ADCY5: variants seen among roughly 807,000 people sequenced by gnomAD.
ADCY5 encodes adenylate cyclase 5.
ADCY5 carries 30 observed loss-of-function variants against 119.7 expected under a neutral mutation model. The ratio of observed to expected loss-of-function variants is 0.25; its 90% CI spans 0.19 to 0.34. The LOEUF is 0.34. Ranked by LOEUF, ADCY5 falls within the 10% of genes least tolerant of loss-of-function variation. The pLI, the probability that ADCY5 is intolerant of heterozygous loss-of-function variation, is 1.00. For synonymous variants in ADCY5, 753 were observed against 762.2 expected, an observed-to-expected ratio of 0.99 and a Z score of 0.20; for missense variants, 1,324 against 1,775.2, an observed-to-expected ratio of 0.75 and a Z score of 4.57.
chr3:123,350,690 A>T (rs1028322529), intron 2 of ADCY5, among the ~76,000 whole-genome samples: 3 of 152,206 alleles, frequency 2.0e-5, no homozygotes, highest in Non-Finnish European at 4.4e-5. Flanking sequence ...GTCTGCAGAA[A>T]GCTTCCCCTC....
Position 123,352,749 on chromosome 3 carries a change from C to T in ADCY5, c.1135-168G>A, listed in dbSNP as rs111951218. Reference sequence around the variant, plus strand: ...CTGTGAGCAGCCGAGCATAATCGATCGGGCTCTCTGATGTCCTCAAAGCCA... The same window carrying T: ...CTGTGAGCAGCCGAGCATAATCGATTGGGCTCTCTGATGTCCTCAAAGCCA... On this transcript the variant is annotated intron_variant, in intron 1 of 20. Coordinates refer to ENST00000462833, the MANE Select transcript of ADCY5 (RefSeq NM_183357.3). This position sits in a 1 kb window ranked among gnomAD's most constrained non-coding sequence, Gnocchi z 4.8. 3.1e-3 allele frequency among the ~76,000 whole-genome samples: 479 copies of T among 152,290 alleles called. No individual in the cohort carries two copies. The highest frequency in any genetic ancestry group is 0.011 in the African/African-American group (445 of 41,560).
intron 1 of ADCY5, among the ~76,000 whole-genome samples, chr3:123,393,926 G>A (rs1944469858): frequency 6.6e-6 from 1 of 152,162 alleles, no homozygotes; most frequent in African/African-American, 2.4e-5. Flanking sequence ...TTGAGGTCAG[G>A]AGTTCGAGAC....
In ADCY5 at chr3:123,347,775, C is replaced by G; in HGVS notation, c.1406+7G>C. On this transcript the variant is annotated splice_region_variant and intron_variant, in intron 3 of 20. Transcript: ENST00000462833. Reference sequence around the variant, plus strand: ...CTTCCATCCTCCTCCCCCAGCTTCACCCCTACCTCACGTTGTCATGTTTCT... The same window carrying G: ...CTTCCATCCTCCTCCCCCAGCTTCAGCCCTACCTCACGTTGTCATGTTTCT... 7 of 1,613,998 alleles carry G rather than the reference C, an allele frequency of 4.3e-6. No homozygotes were observed. In the East Asian group the frequency reaches 1.6e-4, roughly 36 times the overall value.
intron 1 of ADCY5, among the ~76,000 whole-genome samples, chr3:123,376,589 G>A (rs1032849562): frequency 6.6e-6 from 1 of 152,118 alleles, no homozygotes; most frequent in East Asian, 1.9e-4. Flanking sequence ...GGAAATCACC[G>A]CCAGCCAATG....
chr3:123,381,605 G>A (rs757536421), intron 1 of ADCY5, among the ~76,000 whole-genome samples: 9 of 152,226 alleles, frequency 5.9e-5, no homozygotes, highest in Non-Finnish European at 1.2e-4. Context: ...ATACTCTGTT[G>A]TTTCTGTCTT....
Position 123,448,465 on chromosome 3 carries a change from T to A in ADCY5, c.81A>T (p.Glu27Asp). The change falls in exon 1 of 21, where the codon GAA becomes GAT. Residue 27 changes from glutamate to aspartate, a missense_variant. Physicochemically the swap from Glu to Asp is conservative, Grantham distance 45. This residue lies in a region of ADCY5 where 585 missense variants were observed against 569.9 expected (regional missense o/e 1.03). Transcript: ENST00000462833. ...TAAPAPRGGP[E>D]HRSAWGEADS... ...CGGCCTCGCCCCACGCAGAGCGGTG[T>A]TCGGGGCCTCCCCGGGGCGCCGGCG... 1 of 1,277,186 alleles carries A rather than the reference T, an allele frequency of 7.8e-7. No individual in the cohort carries two copies. The highest frequency in any genetic ancestry group is 9.9e-7 in the Non-Finnish European group (1 of 1,013,668). The allele number at this position is 1,277,186 out of a possible 1,614,324, so 79.1% of individuals were successfully genotyped here. A position where few individuals can be genotyped will look rare whatever the true frequency, so the allele number is the denominator to read the frequency against.
At chr3:123,428,892 T>C (rs1040684552) in intron 1 of ADCY5, among the ~76,000 whole-genome samples, 1 of 152,340 alleles carries the variant, frequency 6.6e-6, no homozygotes, top group East Asian at 1.9e-4. Context: ...TTGTGAGCTA[T>C]TGGAGTAGTA....
chr3:123,370,010 G>T (rs1406914196), intron 1 of ADCY5, among the ~76,000 whole-genome samples: 1 of 152,164 alleles, frequency 6.6e-6, no homozygotes, highest in Non-Finnish European at 1.5e-5. Flanking sequence ...CTTAATTCTT[G>T]GGGCATGAGG....
chr3:123,333,746 G>T (rs1941892311), intron 3 of ADCY5, among the ~76,000 whole-genome samples: 1 of 152,248 alleles, frequency 6.6e-6, no homozygotes, highest in African/African-American at 2.4e-5. Flanking sequence ...TCCTGGGGAA[G>T]AGAAGCCTTT....
chr3:123,296,910 A>G, intron 16 of ADCY5: 1 of 1,344,720 alleles, frequency 7.4e-7, no homozygotes, highest in Non-Finnish European at 1.0e-6. Context: ...GGCTCCAGTG[A>G]CCCCCCGCCC....
At chr3:123,292,587 T>G (rs1401727469) in intron 17 of ADCY5, among the ~76,000 whole-genome samples, 1 of 152,138 alleles carries the variant, frequency 6.6e-6, no homozygotes, top group African/African-American at 2.4e-5. Context: ...TGTGCTGTCT[T>G]CTTGCCAAGC....
intron 1 of ADCY5, among the ~76,000 whole-genome samples, chr3:123,364,761 C>T (rs943496634): frequency 4.0e-5 from 6 of 151,796 alleles, no homozygotes; most frequent in Non-Finnish European, 8.8e-5. Context: ...CGGAACACTT[C>T]GAAATCATAG....
intron 1 of ADCY5, chr3:123,367,927 G>A (rs1348885244): frequency 1.3e-6 from 2 of 1,535,880 alleles, no homozygotes; most frequent in South Asian, 2.4e-5. Context: ...GCGGAACCTA[G>A]ATGGGGCCAT....
In ADCY5 at chr3:123,416,100, A is replaced by G. The variant is rs1945178492; in HGVS notation, c.1134+31312T>C. 2.1e-5 allele frequency: 31 copies of G among 1,481,184 alleles called. No homozygotes were observed. In the South Asian group the frequency reaches 3.7e-4, roughly 18 times the overall value. 91.8% of individuals were successfully genotyped at this position (1,481,184 alleles called of 1,614,324 possible). A position where few individuals can be genotyped will look rare whatever the true frequency, so the allele number is the denominator to read the frequency against. On this transcript the variant is annotated intron_variant, in intron 1 of 20. Coordinates refer to ENST00000462833, the MANE Select transcript of ADCY5 (RefSeq NM_183357.3). ...AGTACAGGCCCCAGGTGAGGTGTCC[A>G]AGAAGGTGGAAGGGCAAAGGAGAAG... is the stretch of plus-strand genomic sequence containing the variant.
chr3:123,317,214 C>A (rs1043827747), intron 11 of ADCY5, among the ~76,000 whole-genome samples: 1 of 152,154 alleles, frequency 6.6e-6, no homozygotes, highest in Non-Finnish European at 1.5e-5. Context: ...TAGGCTTTGT[C>A]GGAGACACAG....
intron 1 of ADCY5, among the ~76,000 whole-genome samples, chr3:123,383,558 C>T (rs1478604261): frequency 1.3e-5 from 2 of 152,126 alleles, no homozygotes; most frequent in Non-Finnish European, 2.9e-5. Context: ...ATTCCAGGCT[C>T]CCACCTTACT....
intron 1 of ADCY5, among the ~76,000 whole-genome samples, chr3:123,391,605 A>C (rs1944403095): frequency 6.6e-6 from 1 of 152,134 alleles, no homozygotes; most frequent in South Asian, 2.1e-4. Context: ...ACCCCTTCCC[A>C]AGGTCTAAAT....
intron 3 of ADCY5, among the ~76,000 whole-genome samples, chr3:123,336,820 C>T (rs868761877): frequency 4.7e-4 from 71 of 152,280 alleles, no homozygotes; most frequent in Middle Eastern, 3.4e-3. Context: ...CCTTGGCAAG[C>T]GCATTCTTCC....
Position 123,347,763 on chromosome 3 carries a change from C to A in ADCY5, c.1406+19G>T, listed in dbSNP as rs1401407319. 10 of 1,613,452 alleles carry A rather than the reference C, an allele frequency of 6.2e-6. No homozygotes were observed. The highest frequency in any genetic ancestry group is 5.3e-5 in the African/African-American group (4 of 74,776). On this transcript the variant is annotated intron_variant, in intron 3 of 20. Coordinates refer to ENST00000462833, the MANE Select transcript of ADCY5 (RefSeq NM_183357.3). ...AGCTCTCCCTCCCTTCCATCCTCCTCCCCCAGCTTCACCCCTACCTCACGT... is the reference window on the plus strand; with the variant it reads ...AGCTCTCCCTCCCTTCCATCCTCCTACCCCAGCTTCACCCCTACCTCACGT...
Sources: gnomAD v4.1 joint callset for allele counts (sites outside exome capture counted in the v4.1 genomes callset) on GRCh38, gnomAD v4.1.1 for gene constraint, gnomAD v4.1.1 regional missense constraint, Gnocchi (gnomAD v3.1) non-coding constraint, MANE v1.5 for transcripts, NCBI Gene and HGNC (gene_info 2026-07-23, HGNC 2026-07-21) for gene names.